Variants in RB1 observed in about 807,000 individuals in gnomAD.
The protein encoded by RB1 is RB transcriptional corepressor 1.
RB1 carries 18 observed loss-of-function variants against 135.4 expected under a neutral mutation model. The ratio of observed to expected loss-of-function variants is 0.13; its 90% CI spans 0.09 to 0.20. The LOEUF (loss-of-function observed/expected upper bound fraction) is 0.20. RB1 is among the 10% of genes least tolerant of loss of function. The pLI is 1.00. For synonymous variants in RB1, 365 were observed against 373.2 expected (o/e 0.98, Z 0.25); for missense variants, 868 against 1,110.0 (o/e 0.78, Z 3.10).
chr13:48,338,571 G>A (rs1407841148), intron 2 of RB1, among the ~76,000 whole-genome samples: 1 of 152,120 alleles, frequency 6.6e-6, no homozygotes, highest in African/African-American at 2.4e-5. Flanking sequence ...ATTCTAGTTG[G>A]CCAGTTGTCT....
chr13:48,309,541 C>G (rs1247117993), intron 2 of RB1, among the ~76,000 whole-genome samples: 1 of 152,076 alleles, frequency 6.6e-6, no homozygotes, highest in Non-Finnish European at 1.5e-5. Flanking sequence ...TTTTAACTGA[C>G]TTGGGTACCT....
In RB1 at chr13:48,308,655, A is replaced by G. The variant is rs542746755; in HGVS notation, c.264+1249A>G. Among the ~76,000 whole-genome samples the G allele has an allele frequency of 4.6e-5, 7 of 150,598 alleles. No homozygotes were observed. In the South Asian group the frequency reaches 1.5e-3, roughly 31 times the overall value. ...GCAACAGAGAAGACTCCATCTCAAA[A>G]AAAAAACAAAAAAAACCCCAGAACT... On this transcript the variant is annotated intron_variant, in intron 2 of 26. Transcript: ENST00000267163.
intron 17 of RB1, among the ~76,000 whole-genome samples, chr13:48,417,714 A>G (rs182532156): frequency 9.6e-4 from 146 of 152,326 alleles, no homozygotes; most frequent in African/African-American, 3.4e-3. Context: ...GCTGAAAAAC[A>G]CAGCACAAGA....
intron 17 of RB1, among the ~76,000 whole-genome samples, chr13:48,425,470 G>A (rs980054959): frequency 1.3e-5 from 2 of 152,240 alleles, no homozygotes; most frequent in Non-Finnish European, 2.9e-5. Context: ...GGCTAGGTGG[G>A]TTGTAGCTTT....
intron 17 of RB1, among the ~76,000 whole-genome samples, chr13:48,405,274 G>A (rs1948729669): frequency 6.6e-6 from 1 of 152,118 alleles, no homozygotes; most frequent in Admixed American, 6.5e-5. Flanking sequence ...TCTAAATGGT[G>A]GGAATTTAAC....
chr13:48,452,944 G>A, intron 17 of RB1, 49 bp from the exon 18 acceptor site: 1 of 1,605,946 alleles, frequency 6.2e-7, no homozygotes, highest in Non-Finnish European at 8.5e-7. Flanking sequence ...ATGTACCTGG[G>A]AAAATTATGC....
At chr13:48,333,213 C>A in intron 2 of RB1, 1 of 394,262 alleles carries the variant, frequency 2.5e-6, no homozygotes, top group Admixed American at 4.4e-5. Context: ...AAAATGTGAC[C>A]TCATTTGTTT....
chr13:48,336,664 GT>G (rs1406836646), intron 2 of RB1, among the ~76,000 whole-genome samples: 1 of 151,192 alleles, frequency 6.6e-6, no homozygotes, highest in Non-Finnish European at 1.5e-5. Context: ...TTTTTGAAGG[GT>G]TTTTTGTGTC....
chr13:48,411,785 T>C (rs1464528467), intron 17 of RB1: 2 of 1,612,172 alleles, frequency 1.2e-6, no homozygotes, highest in Admixed American at 1.7e-5. Flanking sequence ...ATGTAACAGG[T>C]TTGGTTAAAG....
chr13:48,417,420 A>G (rs1012103212), intron 17 of RB1: 1 of 152,242 alleles, frequency 6.6e-6, no homozygotes, highest in Non-Finnish European at 1.5e-5. Flanking sequence ...ACCCCATTTG[A>G]AGGTCACCAA....
At chr13:48,342,847 G>A in intron 3 of RB1, 133 bp downstream of exon 3, 1 of 648,346 alleles carries the variant, frequency 1.5e-6, no homozygotes, top group Non-Finnish European at 2.7e-6. Flanking sequence ...GGACCAAATA[G>A]TGAACTGCCA....
At chr13:48,343,533 A>C (rs1473458701) in intron 3 of RB1, among the ~76,000 whole-genome samples, 1 of 152,230 alleles carries the variant, frequency 6.6e-6, no homozygotes, top group Non-Finnish European at 1.5e-5. Flanking sequence ...TAGAAATGAC[A>C]TAAATAGTTC....
At chr13:48,392,021 C>T (rs946505000) in intron 17 of RB1, among the ~76,000 whole-genome samples, 3 of 152,140 alleles carry the variant, frequency 2.0e-5, no homozygotes, top group African/African-American at 7.2e-5. Flanking sequence ...AGGTCTTTTG[C>T]TGGGTATTGA....
chr13:48,349,079 C>A (rs2138093976), intron 6 of RB1, 56 bp downstream of exon 6: 1 of 1,528,152 alleles, frequency 6.5e-7, no homozygotes, highest in Admixed American at 1.8e-5. Flanking sequence ...ATTAAATTGG[C>A]ATTCCTTTGG....
intron 17 of RB1, among the ~76,000 whole-genome samples, chr13:48,385,828 A>C (rs943034613): frequency 1.3e-5 from 2 of 152,172 alleles, no homozygotes; most frequent in Non-Finnish European, 2.9e-5. Flanking sequence ...GGATCTTCAC[A>C]ATGTAACATT....
chr13:48,403,240 A>G (rs1191602199), intron 17 of RB1, among the ~76,000 whole-genome samples: 1 of 152,168 alleles, frequency 6.6e-6, no homozygotes, highest in Non-Finnish European at 1.5e-5. Flanking sequence ...AAATGAAACT[A>G]TTTCTCATTT....
At chr13:48,324,295 T>A (rs1420692107) in intron 2 of RB1, among the ~76,000 whole-genome samples, 4 of 152,162 alleles carry the variant, frequency 2.6e-5, no homozygotes, top group Admixed American at 1.3e-4. Flanking sequence ...AGTGTTTCCA[T>A]AGAACACTAG....
intron 23 of RB1, among the ~76,000 whole-genome samples, chr13:48,472,239 A>G (rs543846923): frequency 1.4e-4 from 22 of 152,200 alleles, no homozygotes; most frequent in Admixed American, 3.3e-4. Flanking sequence ...CCTTTCAGAA[A>G]ATATTTGCAT....
chr13:48,471,757 G>A (rs981664482), intron 23 of RB1, among the ~76,000 whole-genome samples: 1 of 152,098 alleles, frequency 6.6e-6, no homozygotes, highest in Non-Finnish European at 1.5e-5. Flanking sequence ...TTTAGGTTGA[G>A]TACTTTTAGT....
Sources: allele counts gnomAD v4.1 joint callset (sites outside exome capture counted in the v4.1 genomes callset), GRCh38; gene constraint gnomAD v4.1.1; transcripts MANE v1.5; gene names NCBI Gene and HGNC (gene_info 2026-07-23, HGNC 2026-07-21).